PICALM: variants seen among roughly 807,000 people sequenced by gnomAD.
The protein encoded by PICALM is phosphatidylinositol binding clathrin assembly protein, also known as phosphatidylinositol-binding clathrin assembly protein.
A neutral mutation model predicts 80.5 loss-of-function variants in PICALM; 40 were observed. The ratio of observed to expected loss-of-function variants is 0.50; its 90% CI spans 0.39 to 0.65. The LOEUF (loss-of-function observed/expected upper bound fraction) is 0.65, where lower values mean the gene tolerates loss of function less well. Among genes scored for constraint, PICALM ranks in the 30% least tolerant of loss-of-function variants. The pLI, the probability that PICALM is intolerant of heterozygous loss-of-function variation, is 0.00. For synonymous variants in PICALM, 288 were observed against 260.3 expected (o/e 1.11, Z -1.02); for missense variants, 676 against 778.9 (o/e 0.87, Z 1.57).
rs1430620981 is a variant in PICALM, at chr11:86,068,975, C to G, written c.-195G>C. On this transcript the variant is annotated 5_prime_UTR_variant, in exon 1 of 20. Coordinates refer to ENST00000393346, the MANE Select transcript of PICALM (RefSeq NM_007166.4). ...AACCGGCTCGTGTCACCCGCGGAGT[C>G]GGACAAGATGTCGGGCACTCCCTTG... The G allele has an allele frequency of 1.5e-6, 1 of 650,270 alleles. No individual in the cohort carries two copies. The highest frequency in any genetic ancestry group is 2.5e-6 in the Non-Finnish European group (1 of 396,070). The allele number at this position is 650,270 out of a possible 1,614,324, so 40.3% of individuals were successfully genotyped here. A position where few individuals can be genotyped will look rare whatever the true frequency, so the allele number is the denominator to read the frequency against.
chr11:85,999,703 G>C (rs2095085394), intron 11 of PICALM, among the ~76,000 whole-genome samples: 1 of 152,192 alleles, frequency 6.6e-6, no homozygotes, highest in African/African-American at 2.4e-5. Flanking sequence ...CAGCTATTAG[G>C]AGTCAGTAGG....
chr11:85,968,335 CAGTT>C (rs2093979130), intron 19 of PICALM, among the ~76,000 whole-genome samples: 2 of 151,726 alleles, frequency 1.3e-5, no homozygotes, highest in South Asian at 4.2e-4. Context: ...AAGAAACCAA[CAGTT>C]AATTTTAAAA....
chr11:85,996,990 A>T, intron 11 of PICALM, 61 bp from the exon 12 acceptor site: 1 of 885,688 alleles, frequency 1.1e-6, no homozygotes, highest in Non-Finnish European at 1.9e-6. Flanking sequence ...CTTTAGTGTC[A>T]CCTTCTCCAC....
intron 1 of PICALM, among the ~76,000 whole-genome samples, chr11:86,056,807 G>T (rs932349451): frequency 6.6e-6 from 1 of 152,140 alleles, no homozygotes; most frequent in African/African-American, 2.4e-5. Context: ...AATGAAATGT[G>T]GGTAACTATA....
At position 86,068,640 on chromosome 11, in the gene PICALM, G is replaced by A. The variant is rs753123150; in HGVS notation, c.130+11C>T. On this transcript the variant is annotated intron_variant, in intron 1 of 19. Coordinates refer to ENST00000393346, the MANE Select transcript of PICALM (RefSeq NM_007166.4). ...CGCCGGGGAGCGGGGGCCGCGGTCG[G>A]CTTCACTCACAGTCCAGGTGCTTTT... 1.1e-5 allele frequency: 18 copies of A among 1,604,496 alleles called. No homozygotes were observed. Among genetic ancestry groups the A allele is most frequent in the Non-Finnish European group, 1.4e-5 (17 of 1,176,582 alleles).
rs549835845 is a variant in PICALM, at chr11:86,053,041, C to T, written c.130+15610G>A. On this transcript the variant is annotated intron_variant, in intron 1 of 19. Coordinates refer to ENST00000393346, the MANE Select transcript of PICALM (RefSeq NM_007166.4). The stretch of plus-strand genomic sequence containing the variant: ...AGTATCTCTCTTATCTGATTTTTAA[C>T]ATCATTTGATCTGTACTTATCTCAC... 6.5e-4 allele frequency among the ~76,000 whole-genome samples: 99 copies of T among 152,170 alleles called. 1 individual carries two copies. Among genetic ancestry groups the T allele is most frequent in the Non-Finnish European group, 1.2e-3 (83 of 68,032 alleles).
chr11:86,022,491 A>G, intron 3 of PICALM, 22 bp from the exon 4 acceptor site: 1 of 1,281,110 alleles, frequency 7.8e-7, no homozygotes. Flanking sequence ...CAAAAACAAA[A>G]ACAAAACAAA....
intron 1 of PICALM, among the ~76,000 whole-genome samples, chr11:86,054,841 T>G (rs535121326): frequency 1.3e-5 from 2 of 152,260 alleles, no homozygotes; most frequent in South Asian, 4.1e-4. Flanking sequence ...TTCTCCATGT[T>G]GGTCAGGCTG....
At chr11:86,057,615 T>C (rs184221190) in intron 1 of PICALM, among the ~76,000 whole-genome samples, 23 of 152,104 alleles carry the variant, frequency 1.5e-4, no homozygotes, top group African/African-American at 4.8e-4. Context: ...GTACACACAA[T>C]TAGCCCTCCA....
chr11:85,976,074 G>C (rs1277434129), intron 18 of PICALM, among the ~76,000 whole-genome samples: 1 of 152,134 alleles, frequency 6.6e-6, no homozygotes, highest in African/African-American at 2.4e-5. Flanking sequence ...CATACCAGTG[G>C]GTTGAAGCTA....
intron 19 of PICALM, among the ~76,000 whole-genome samples, chr11:85,964,500 T>C (rs951581127): frequency 6.6e-6 from 1 of 152,236 alleles, no homozygotes. Flanking sequence ...CTGCCGCTTA[T>C]GGCTGTCTTG....
At chr11:85,999,700 TA>T (rs1407978431) in intron 11 of PICALM, among the ~76,000 whole-genome samples, 1 of 152,236 alleles carries the variant, frequency 6.6e-6, no homozygotes, top group Non-Finnish European at 1.5e-5. Flanking sequence ...GCTCAGCTAT[TA>T]GGAGTCAGTA....
chr11:86,063,196 A>C (rs1055274900), intron 1 of PICALM, among the ~76,000 whole-genome samples: 2 of 152,214 alleles, frequency 1.3e-5, no homozygotes, highest in African/African-American at 4.8e-5. Flanking sequence ...ATTTTTAAAC[A>C]ATCAGTGTTT....
intron 1 of PICALM, among the ~76,000 whole-genome samples, chr11:86,066,003 A>G (rs1265104961): frequency 6.6e-6 from 1 of 152,192 alleles, no homozygotes. Flanking sequence ...GATTCATATA[A>G]ATAAGCATCA....
At chr11:85,990,896 A>C (rs970388311) in intron 12 of PICALM, among the ~76,000 whole-genome samples, 1 of 152,228 alleles carries the variant, frequency 6.6e-6, no homozygotes, top group Non-Finnish European at 1.5e-5. Flanking sequence ...AAAATAAAAA[A>C]TAAAGATGAA....
At chr11:85,980,930 C>G (rs745665582) in intron 17 of PICALM, among the ~76,000 whole-genome samples, 199 bp downstream of exon 17, 1 of 152,122 alleles carries the variant, frequency 6.6e-6, no homozygotes, top group East Asian at 1.9e-4. Flanking sequence ...CACAAAGTAA[C>G]CCTTAAATAC....
At chr11:86,013,621 C>T (rs2095435174) in intron 5 of PICALM, among the ~76,000 whole-genome samples, 1 of 151,972 alleles carries the variant, frequency 6.6e-6, no homozygotes, top group South Asian at 2.1e-4. Flanking sequence ...TATTATATAA[C>T]AAAGTACAAT....
chr11:85,986,197 A>G (rs1206153946), intron 13 of PICALM, among the ~76,000 whole-genome samples: 2 of 152,132 alleles, frequency 1.3e-5, no homozygotes, highest in Non-Finnish European at 2.9e-5. Context: ...TTAAAGTCAC[A>G]CAGTTATCAG....
chr11:86,008,952 C>CAAAAAAAA (rs59740555), intron 7 of PICALM, among the ~76,000 whole-genome samples: 1 of 62,838 alleles, frequency 1.6e-5, no homozygotes, highest in Non-Finnish European at 3.1e-5. Context: ...AAAAAAAAGC[C>CAAAAAAAA]AAAAAAAAAA....
Sources: gnomAD v4.1 joint callset for allele counts (sites outside exome capture counted in the v4.1 genomes callset) on GRCh38, gnomAD v4.1.1 for gene constraint, MANE v1.5 for transcripts, NCBI Gene and HGNC (gene_info 2026-07-23, HGNC 2026-07-21) for gene names.